WLS: variants seen among roughly 807,000 people sequenced by gnomAD.
WLS encodes the protein Wnt ligand secretion mediator.
WLS carries 23 observed loss-of-function variants against 62.8 expected under a neutral mutation model. The observed-to-expected ratio is 0.37, with a 90% CI of 0.26 to 0.52. The LOEUF is 0.52. WLS is among the 20% of genes least tolerant of loss of function. WLS has a pLI of 0.92. For missense variants in WLS, 615 were observed against 697.3 expected (o/e 0.88, Z 1.33); for synonymous variants, 246 against 244.1 (o/e 1.01, Z -0.07).
intron 11 of WLS, among the ~76,000 whole-genome samples, chr1:68,106,716 CTGTGTGTGTGTGTGTGTG>C (rs59601112): frequency 1.5e-3 from 227 of 146,824 alleles, no homozygotes; most frequent in South Asian, 8.1e-3. Context: ...GTGTTTGTCA[CTGTGTGTGTGTGTGTGTG>C]TGTGTGTGTG....
At chr1:68,216,588 A>C (rs1488810180) in intron 1 of WLS, among the ~76,000 whole-genome samples, 1 of 152,194 alleles carries the variant, frequency 6.6e-6, no homozygotes, top group Non-Finnish European at 1.5e-5. Context: ...CTGCAGCAAA[A>C]GGGCAGGCCC....
At chr1:68,171,322 C>G (rs982365194) in intron 2 of WLS, among the ~76,000 whole-genome samples, 2 of 152,126 alleles carry the variant, frequency 1.3e-5, no homozygotes, top group African/African-American at 4.8e-5. Flanking sequence ...CAAATGGGAT[C>G]TAATTAAACT....
intron 11 of WLS, among the ~76,000 whole-genome samples, chr1:68,105,702 G>A (rs926950802): frequency 6.6e-6 from 1 of 152,166 alleles, no homozygotes; most frequent in African/African-American, 2.4e-5. Context: ...TTTCTTGGAA[G>A]GTGAGGGGTG....
intron 11 of WLS, among the ~76,000 whole-genome samples, chr1:68,110,390 TTAAA>T (rs780482490): frequency 9.2e-5 from 14 of 152,038 alleles, no homozygotes; most frequent in Admixed American, 2.0e-4. Flanking sequence ...CTTATAATCA[TTAAA>T]TAAATTAAAA....
At chr1:68,191,023 A>C (rs186044986) in intron 2 of WLS, among the ~76,000 whole-genome samples, 1 of 148,962 alleles carries the variant, frequency 6.7e-6, no homozygotes, top group East Asian at 2.0e-4. Context: ...GTACCATTGC[A>C]CTCCAGCCTG....
chr1:68,227,310 G>A (rs866702798), intron 1 of WLS, among the ~76,000 whole-genome samples: 15 of 151,462 alleles, frequency 9.9e-5, no homozygotes, highest in Middle Eastern at 3.4e-3. Context: ...CCCAGCTATC[G>A]GGAGGCTGAG....
At chr1:68,193,398 TAAAAAAAAAAAAAAAAAAAAAAAAAAAA>T (rs904327955) in intron 2 of WLS, among the ~76,000 whole-genome samples, 960 of 15,444 alleles carry the variant, frequency 0.062, 11 homozygotes, top group African/African-American at 0.14. Flanking sequence ...GCAAATAAGC[TAAAAAAAAAAAAAAAAAAAAAAAAAAAA>T]AAAAAAAAAA....
chr1:68,215,149 C>T (rs1197843343), intron 1 of WLS, among the ~76,000 whole-genome samples: 1 of 152,198 alleles, frequency 6.6e-6, no homozygotes, highest in African/African-American at 2.4e-5. Context: ...AAAGGAGATT[C>T]AGGCAGATCC....
chr1:68,162,609 C>CCG, intron 2 of WLS: 1 of 1,358,856 alleles, frequency 7.4e-7, no homozygotes, highest in Non-Finnish European at 1.1e-6. Context: ...TGCTCTGAAC[C>CCG]CGTGTGCCTT....
At chr1:68,148,495 TC>T in intron 7 of WLS, 67 bp downstream of exon 7, 1 of 1,512,946 alleles carries the variant, frequency 6.6e-7, no homozygotes, top group Non-Finnish European at 9.1e-7. Context: ...CAAACACTCC[TC>T]CTAAAATGAC....
At chr1:68,181,998 G>A (rs1158181548) in intron 2 of WLS, among the ~76,000 whole-genome samples, 1 of 152,168 alleles carries the variant, frequency 6.6e-6, no homozygotes, top group Non-Finnish European at 1.5e-5. Flanking sequence ...AACAGCTGAT[G>A]TTTAGTAACA....
intron 11 of WLS, among the ~76,000 whole-genome samples, chr1:68,109,942 T>C (rs1221979407): frequency 7.4e-6 from 1 of 135,402 alleles, no homozygotes; most frequent in East Asian, 2.4e-4. Flanking sequence ...GAAAACCAAA[T>C]CCTAAACTGA....
chr1:68,128,495 C>T (rs1362502072), intron 11 of WLS, among the ~76,000 whole-genome samples: 1 of 152,220 alleles, frequency 6.6e-6, no homozygotes, highest in Non-Finnish European at 1.5e-5. Context: ...CCCATTAGCA[C>T]TCATAACCGT....
chr1:68,161,431 G>C (rs1194486255), intron 2 of WLS, among the ~76,000 whole-genome samples: 1 of 152,088 alleles, frequency 6.6e-6, no homozygotes, highest in Admixed American at 6.5e-5. Context: ...TGTAGAGCAG[G>C]GTGTTCAGGA....
chr1:68,232,524 G>T, upstream of WLS: 1 of 846,316 alleles, frequency 1.2e-6, no homozygotes, highest in South Asian at 2.6e-5. Flanking sequence ...CTGTGATTGT[G>T]GCCGCTCCGC....
chr1:68,156,560 T>C (rs1275388866), intron 3 of WLS, among the ~76,000 whole-genome samples: 1 of 151,664 alleles, frequency 6.6e-6, no homozygotes, highest in African/African-American at 2.4e-5. Context: ...GGTGGGGAGG[T>C]GCTTCTACCT....
intron 1 of WLS, among the ~76,000 whole-genome samples, chr1:68,222,569 C>G (rs1649984142): frequency 6.6e-6 from 1 of 152,130 alleles, no homozygotes; most frequent in Admixed American, 6.6e-5. Context: ...CACTGAAACT[C>G]TGAAGGACAT....
intron 11 of WLS, among the ~76,000 whole-genome samples, chr1:68,116,580 A>G (rs559890029): frequency 2.6e-5 from 4 of 152,278 alleles, no homozygotes; most frequent in Non-Finnish European, 2.9e-5. Flanking sequence ...GGATTCATTT[A>G]AGGATTAAAG....
At chr1:68,175,719 T>A (rs1369946841) in intron 2 of WLS, among the ~76,000 whole-genome samples, 2 of 152,128 alleles carry the variant, frequency 1.3e-5, no homozygotes, top group African/African-American at 2.4e-5. Context: ...CAAGTTGAGT[T>A]TGACTAATGG....
Sources: gnomAD v4.1 joint callset for allele counts (sites outside exome capture counted in the v4.1 genomes callset) on GRCh38, gnomAD v4.1.1 for gene constraint, MANE v1.5 for transcripts, NCBI Gene and HGNC (gene_info 2026-07-23, HGNC 2026-07-21) for gene names.